The following KNDC1 variants were observed in gnomAD, a reference collection of about 807,000 sequenced individuals.
The protein encoded by KNDC1 is kinase non-catalytic C-lobe domain containing 1.
In KNDC1, 106 loss-of-function variants were observed where a neutral mutation model predicts 172.8. That is an observed-to-expected ratio of 0.61 (90% CI 0.52 to 0.72). KNDC1 has a LOEUF of 0.72. Among genes scored for constraint, KNDC1 ranks in the 30% least tolerant of loss-of-function variants. KNDC1 has a pLI of 0.00. For synonymous variants in KNDC1, 1,083 were observed against 1,062.2 expected, an observed-to-expected ratio of 1.02 and a Z score of -0.38; for missense variants, 2,325 against 2,394.5, an observed-to-expected ratio of 0.97 and a Z score of 0.61.
intron 15 of KNDC1, among the ~76,000 whole-genome samples, 171 bp downstream of exon 15, chr10:133,199,773 C>T (rs1265954482): frequency 6.6e-6 from 1 of 152,176 alleles, no homozygotes. Context: ...CCAGCAGCCC[C>T]TCCTTGGGCC....
chr10:133,174,940 T>TGG (rs1853484311), intron 3 of KNDC1, among the ~76,000 whole-genome samples: 1 of 126,234 alleles, frequency 7.9e-6, no homozygotes, highest in South Asian at 2.6e-4. Context: ...TGGATGGGAT[T>TGG]ATGAACAGGT....
At position 133,167,680 on chromosome 10, in the gene KNDC1, G is replaced by A. The variant is rs751432367; in HGVS notation, c.301+101G>A. 245 of 1,297,308 alleles carry A rather than the reference G, an allele frequency of 1.9e-4. 1 individual carries two copies. Among genetic ancestry groups the A allele is most frequent in the Non-Finnish European group, 2.5e-4 (234 of 939,738 alleles). The allele number at this position is 1,297,308 out of a possible 1,614,324, so 80.4% of individuals were successfully genotyped here. ...GGCTCTGCCGGAGCAGATGCTGGGAGCATGCCCGGACCCGGGTTTCCTGTG... is the reference window on the plus strand; with the variant it reads ...GGCTCTGCCGGAGCAGATGCTGGGAACATGCCCGGACCCGGGTTTCCTGTG... On this transcript the variant is annotated intron_variant, in intron 2 of 29. Transcript: ENST00000304613.
chr10:133,218,775 T>C, intron 26 of KNDC1, 56 bp from the exon 27 acceptor site: 1 of 1,582,842 alleles, frequency 6.3e-7, no homozygotes, highest in Non-Finnish European at 8.6e-7. Flanking sequence ...TTCTCAAATA[T>C]TCCCTTTGTT....
rs778082696 is a variant in KNDC1, at chr10:133,212,874, G to C, written c.4395G>C (p.Thr1465=). The C allele has an allele frequency of 6.2e-7, 1 of 1,613,880 alleles. No homozygotes were observed. The highest frequency in any genetic ancestry group is 8.5e-7 in the Non-Finnish European group (1 of 1,179,944). ...GTGAGAAGGGGCCCTACTTCCTGAC[G>C]GAGTACAGCACTCACCAGCTCTTCA... ...KTSEKGPYFL[T]EYSTHQLFSQ... The change falls in exon 24 of 30, where the codon ACG becomes ACC. Residue 1465 remains threonine (T), a synonymous_variant. Coordinates refer to ENST00000304613, the MANE Select transcript of KNDC1 (RefSeq NM_152643.8).
intron 3 of KNDC1, among the ~76,000 whole-genome samples, chr10:133,182,790 G>A (rs1853754672): frequency 1.3e-5 from 2 of 152,280 alleles, no homozygotes; most frequent in Non-Finnish European, 2.9e-5. Flanking sequence ...CGGGGCCATG[G>A]CCAGCACAGA....
In KNDC1 at chr10:133,201,628, C is replaced by T. The variant is rs756656611; in HGVS notation, c.3117C>T (p.Ser1039=). The T allele has an allele frequency of 6.1e-5, 99 of 1,612,968 alleles. 1 individual carries two copies. Among genetic ancestry groups the T allele is most frequent in the South Asian group, 3.7e-4 (34 of 91,090 alleles). ...NFEVGFRPQR[S]VKAERAQQPE... is the part of the protein sequence containing the mutation. ...AGGTGGGGTTTCGGCCTCAGAGGTC[C>T]GTAAAAGCCGAGAGAGCGCAGCAGC... Residue 1039 remains serine (S), a synonymous_variant, in exon 17 of 30, where the codon TCC becomes TCT. Transcript: ENST00000304613.
Position 133,160,451 on chromosome 10 carries a change from C to T in KNDC1, c.-17C>T, listed in dbSNP as rs529950344. 2.0e-6 allele frequency: 3 copies of T among 1,496,834 alleles called. No homozygotes were observed. Among genetic ancestry groups the T allele is most frequent in the Admixed American group, 2.1e-5 (1 of 46,894 alleles). The allele number at this position is 1,496,834 out of a possible 1,614,324, so 92.7% of individuals were successfully genotyped here. ...CCAGCCGGAGGCCCCGGGGGCGGTG[C>T]GCGGCGCGGCCGCAGGATGCAGGCC... On this transcript the variant is annotated 5_prime_UTR_variant, in exon 1 of 30. Coordinates refer to ENST00000304613, the MANE Select transcript of KNDC1 (RefSeq NM_152643.8).
chr10:133,213,219 G>C (rs912346609), intron 24 of KNDC1, among the ~76,000 whole-genome samples: 3 of 152,236 alleles, frequency 2.0e-5, no homozygotes, highest in African/African-American at 7.2e-5. Flanking sequence ...CCTGAGGGCC[G>C]CATGGGGCGC....
intron 9 of KNDC1, among the ~76,000 whole-genome samples, chr10:133,190,405 G>A (rs1466923984): frequency 6.6e-6 from 1 of 151,912 alleles, no homozygotes; most frequent in East Asian, 1.9e-4. Flanking sequence ...TAAGCACCCT[G>A]CACTAAGCAC....
chr10:133,201,935 G>A, intron 17 of KNDC1, 37 bp downstream of exon 17: 2 of 1,522,798 alleles, frequency 1.3e-6, no homozygotes, highest in African/African-American at 1.4e-5. Context: ...GGTGGGGCAG[G>A]GCGTCTCCTT....
rs752843554 is a variant in KNDC1 at position 133,183,954 on chromosome 10, G to A, written c.590G>A (p.Arg197Lys). 1 of 1,599,376 alleles carries A rather than the reference G, an allele frequency of 6.3e-7. No homozygotes were observed. The highest frequency in any genetic ancestry group is 1.3e-5 in the African/African-American group (1 of 74,702). Residue 197 changes from arginine (R) to lysine (K), a missense_variant, in exon 5 of 30, where the codon AGG becomes AAG. Coordinates refer to ENST00000304613, the MANE Select transcript of KNDC1 (RefSeq NM_152643.8). ...CGGAGCCTCTCTGCTGTGGGGAGGA[G>A]GGTCCTCTCCATCGAGTCCTTCGGA... ...VCRSLSAVGR[R>K]VLSIESFGAL...
At chr10:133,184,248 GCACA>G (rs201353117) in intron 5 of KNDC1, among the ~76,000 whole-genome samples, 4 of 121,050 alleles carry the variant, frequency 3.3e-5, no homozygotes, top group African/African-American at 9.6e-5. Context: ...CGCACACACT[GCACA>G]CACACGTTAC....
intron 4 of KNDC1, 110 bp from the exon 5 acceptor site, chr10:133,183,762 C>A (rs1853795147): frequency 5.4e-6 from 5 of 934,108 alleles, no homozygotes; most frequent in Non-Finnish European, 8.1e-6. Flanking sequence ...CAGGCAGGCT[C>A]TGGGGACTGT....
At chr10:133,202,320 T>C in intron 17 of KNDC1, 1 of 471,412 alleles carries the variant, frequency 2.1e-6, no homozygotes, top group South Asian at 1.5e-5. Flanking sequence ...AAGTCTAGAC[T>C]GGGCCTGGTC....
At chr10:133,174,406 G>A (rs1360155690) in intron 3 of KNDC1, among the ~76,000 whole-genome samples, 2 of 141,926 alleles carry the variant, frequency 1.4e-5, no homozygotes, top group South Asian at 4.6e-4. Flanking sequence ...AGGAAGGGCG[G>A]TGAAGATGGG....
In KNDC1 at chr10:133,224,510, C is replaced by A. The variant is rs1845680449; in HGVS notation, c.5019-149C>A. 1.6e-6 allele frequency: 1 copy of A among 632,436 alleles called. No homozygotes were observed. The highest frequency in any genetic ancestry group is 2.8e-6 in the Non-Finnish European group (1 of 354,692). 39.2% of individuals were successfully genotyped at this position (632,436 alleles called of 1,614,324 possible). A position where few individuals can be genotyped will look rare whatever the true frequency, so the allele number is the denominator to read the frequency against. On this transcript the variant is annotated intron_variant, in intron 29 of 29. Coordinates refer to ENST00000304613, the MANE Select transcript of KNDC1 (RefSeq NM_152643.8). This position sits in a 1 kb window ranked among gnomAD's most constrained non-coding sequence, Gnocchi z 5.4. ...TCTGAGTAGTGACCTTTCCACCTCG[C>A]CAATAAATACAGACAACCCACCCTT... is the stretch of plus-strand genomic sequence containing the variant.
chr10:133,168,529 G>A (rs755332043), intron 3 of KNDC1, among the ~76,000 whole-genome samples: 26 of 152,090 alleles, frequency 1.7e-4, no homozygotes, highest in Non-Finnish European at 3.2e-4. Context: ...AGCTCGGACT[G>A]TGGGTTCTGT....
chr10:133,179,551 AGAGGTGGCCTTTTCAGTTT>A (rs942381054), intron 3 of KNDC1, among the ~76,000 whole-genome samples: 1 of 152,200 alleles, frequency 6.6e-6, no homozygotes, highest in African/African-American at 2.4e-5. Flanking sequence ...TACCCCCTAG[AGAGGTGGCCTTTTCAGTTT>A]GGAGAAAAAC....
intron 1 of KNDC1, among the ~76,000 whole-genome samples, chr10:133,161,892 A>G (rs1327249946): frequency 1.3e-5 from 2 of 152,202 alleles, no homozygotes; most frequent in African/African-American, 4.8e-5. Context: ...ACACGGAGGC[A>G]GCAGCCGGTG....
Sources: allele counts gnomAD v4.1 joint callset (sites outside exome capture counted in the v4.1 genomes callset), GRCh38; gene constraint gnomAD v4.1.1; non-coding constraint Gnocchi (gnomAD v3.1); transcripts MANE v1.5; gene names NCBI Gene and HGNC (gene_info 2026-07-23, HGNC 2026-07-21).